The following PIH1D2 variants were observed in gnomAD, a reference collection of about 807,000 sequenced individuals.
PIH1D2 encodes PIH1 domain containing 2, also known as PIH1 domain-containing protein 2.
A neutral mutation model predicts 31.2 loss-of-function variants in PIH1D2; 25 were observed. The ratio of observed to expected loss-of-function variants is 0.80; its 90% CI spans 0.58 to 1.12. The LOEUF (loss-of-function observed/expected upper bound fraction) is 1.12. Among genes scored for constraint, PIH1D2 ranks in the 50% most tolerant of loss-of-function variants. The pLI is 0.00. For missense variants in PIH1D2, 310 were observed against 356.6 expected (o/e 0.87, Z 1.05); for synonymous variants, 116 against 119.9 (o/e 0.97, Z 0.21).
chr11:112,062,676 T>C (rs1345679288), downstream of PIH1D2: 14 of 975,126 alleles, frequency 1.4e-5, no homozygotes, highest in Non-Finnish European at 1.4e-5. Context: ...TTATTTATAA[T>C]GGGCATTACT....
At chr11:112,066,444 C>T (rs1203918155), downstream of PIH1D2, among the ~76,000 whole-genome samples, 7 of 152,020 alleles carry the variant, frequency 4.6e-5, no homozygotes, top group African/African-American at 1.7e-4. Context: ...TCGAAACCAG[C>T]CTGGCCAACA....
At chr11:112,060,231 G>C (rs1275590941), downstream of PIH1D2, among the ~76,000 whole-genome samples, 1 of 142,634 alleles carries the variant, frequency 7.0e-6, no homozygotes, top group African/African-American at 2.6e-5. Context: ...GCATGATCTC[G>C]GCTCACTGCA....
downstream of PIH1D2, chr11:112,064,020 A>G (rs911174294): frequency 1.9e-5 from 13 of 680,518 alleles, no homozygotes; most frequent in Middle Eastern, 3.4e-4. Context: ...TATATTCCAC[A>G]CAGACTTTTA....
chr11:112,057,092 T>C, the PIH1D2 span, among the ~76,000 whole-genome samples: 380 of 152,336 alleles, frequency 2.5e-3, no homozygotes, highest in Non-Finnish European at 3.8e-3. Context: ...GATGTTACCA[T>C]TGTAATTGTT....
the PIH1D2 span, among the ~76,000 whole-genome samples, chr11:112,054,414 A>T: frequency 1.3e-5 from 2 of 152,178 alleles, no homozygotes; most frequent in Non-Finnish European, 2.9e-5. Flanking sequence ...AATGCCTGTG[A>T]CAGTGATTGT....
chr11:112,073,618 T>C (rs982645777), intron 1 of PIH1D2, among the ~76,000 whole-genome samples: 1 of 152,184 alleles, frequency 6.6e-6, no homozygotes, highest in African/African-American at 2.4e-5. Flanking sequence ...TGAGCCAGAA[T>C]GCCTAGATTC....
downstream of PIH1D2, chr11:112,060,072 TATTA>T: frequency 6.2e-7 from 1 of 1,612,748 alleles, no homozygotes; most frequent in Non-Finnish European, 8.5e-7. Context: ...CCAGGTAGGG[TATTA>T]ATTATTGCTT....
At chr11:112,062,860 A>ACAAGTACATAAAG (rs1555183452), downstream of PIH1D2, 1 of 330,804 alleles carries the variant, frequency 3.0e-6, no homozygotes, top group Non-Finnish European at 5.8e-6. Context: ...TTCCCTAAAG[A>ACAAGTACATAAAG]CAAGTACATA....
At chr11:112,063,444 A>C (rs782786631), downstream of PIH1D2, 6 of 152,638 alleles carry the variant, frequency 3.9e-5, no homozygotes, top group Admixed American at 6.5e-5. Flanking sequence ...GAATAAGTGT[A>C]CATATGTAAA....
At chr11:112,070,022 C>G in intron 5 of PIH1D2, 1 of 208,208 alleles carries the variant, frequency 4.8e-6, no homozygotes, top group East Asian at 1.0e-4. Context: ...ATATTTGCAA[C>G]CAAGAGTGTA....
downstream of PIH1D2, chr11:112,062,532 G>A: frequency 1.2e-6 from 2 of 1,612,252 alleles, no homozygotes; most frequent in Non-Finnish European, 1.7e-6. Context: ...CTATGTTGTT[G>A]TAACTAACTC....
Position 112,070,472 on chromosome 11 carries a change from A to G in PIH1D2, c.777T>C (p.Ile259=), listed in dbSNP as rs782351719. ...KIELKVELPG[I]NSVSLCDLSV... is the part of the protein sequence containing the mutation. ...TAAGGTCACAGAGAGAGACAGAATT[A>G]ATACCAGGTAATTCAACTTTCAACT... The change falls in exon 5 of 6, where the codon ATT becomes ATC. Residue 259 remains isoleucine (I), a synonymous_variant. Coordinates refer to ENST00000280350, the MANE Select transcript of PIH1D2 (RefSeq NM_138789.4). 5.6e-6 allele frequency: 9 copies of G among 1,613,940 alleles called. No homozygotes were observed. The highest frequency in any genetic ancestry group is 1.3e-5 in the African/African-American group (1 of 74,940).
downstream of PIH1D2, chr11:112,067,784 T>C (rs587651166): frequency 1.3e-4 from 190 of 1,491,370 alleles, no homozygotes; most frequent in African/African-American, 2.6e-3. Context: ...GTGTTTAAGA[T>C]AAACTACTAC....
chr11:112,058,214 T>C, the PIH1D2 span, among the ~76,000 whole-genome samples: 1 of 152,232 alleles, frequency 6.6e-6, no homozygotes, highest in Non-Finnish European at 1.5e-5. Context: ...TAGGGAATAC[T>C]GTCCTTACTG....
chr11:112,058,752 A>G (rs1364661041), downstream of PIH1D2, among the ~76,000 whole-genome samples: 3 of 151,972 alleles, frequency 2.0e-5, no homozygotes, highest in African/African-American at 7.3e-5. Flanking sequence ...AGTTATTTTC[A>G]TATCACATTG....
At position 112,072,981 on chromosome 11, in the gene PIH1D2, G is replaced by C. The variant is rs782755995; in HGVS notation, c.177+17C>G. 19 of 1,576,770 alleles carry C rather than the reference G, an allele frequency of 1.2e-5. No individual in the cohort carries two copies. The highest frequency in any genetic ancestry group is 2.7e-5 in the African/African-American group (2 of 73,902). Reference sequence around the variant, plus strand: ...TTCATTCAAGACCTCCCCATCCCTGGCACCAACTCGACATACCAGAATCCT... The same window carrying C: ...TTCATTCAAGACCTCCCCATCCCTGCCACCAACTCGACATACCAGAATCCT... On this transcript the variant is annotated intron_variant, in intron 2 of 5. Coordinates refer to ENST00000280350, the MANE Select transcript of PIH1D2 (RefSeq NM_138789.4).
At chr11:112,072,919 C>A in intron 2 of PIH1D2, 79 bp downstream of exon 2, 2 of 1,325,884 alleles carry the variant, frequency 1.5e-6, no homozygotes, top group Non-Finnish European at 1.0e-6. Flanking sequence ...TTAGCAATAC[C>A]TAAGTGTAAA....
At chr11:112,061,208 A>C, downstream of PIH1D2, 2 of 1,612,726 alleles carry the variant, frequency 1.2e-6, no homozygotes, top group Non-Finnish European at 1.7e-6. Context: ...GTCGTAAGCT[A>C]ATTTTTATTA....
intron 4 of PIH1D2, 51 bp downstream of exon 4, chr11:112,070,986 TC>T (rs1566656674): frequency 1.3e-6 from 2 of 1,566,016 alleles, no homozygotes; most frequent in East Asian, 4.5e-5. Context: ...GTATACAGGA[TC>T]CAAAAACATC....
Sources: gnomAD v4.1 joint callset for allele counts (sites outside exome capture counted in the v4.1 genomes callset) on GRCh38, gnomAD v4.1.1 for gene constraint, MANE v1.5 for transcripts, NCBI Gene and HGNC (gene_info 2026-07-23, HGNC 2026-07-21) for gene names.